The following ZMAT4 variants were observed in gnomAD, a reference collection of about 807,000 sequenced individuals.
ZMAT4 encodes zinc finger matrin-type protein 4.
Under a neutral mutation model 28.7 loss-of-function variants are expected in ZMAT4, and 17 were observed. The observed-to-expected ratio is 0.59, with a 90% confidence interval of 0.41 to 0.89. ZMAT4 has a LOEUF of 0.89. Among genes scored for constraint, ZMAT4 ranks in the 40% least tolerant of loss-of-function variants. The probability of loss-of-function intolerance (pLI) is 0.00; values close to 1 mark genes in which losing one functional copy is unlikely to be tolerated. For missense variants in ZMAT4, 240 were observed against 283.8 expected (o/e 0.85, Z 1.11); for synonymous variants, 117 against 109.2 (o/e 1.07, Z -0.44).
chr8:40,861,885 A>G (rs1817506620), intron 1 of ZMAT4, among the ~76,000 whole-genome samples: 1 of 152,170 alleles, frequency 6.6e-6, no homozygotes, highest in Non-Finnish European at 1.5e-5. Context: ...ATCTCACACC[A>G]GTTAGAATGG....
chr8:40,691,287 T>G (rs1424942688), intron 4 of ZMAT4, among the ~76,000 whole-genome samples: 1 of 152,128 alleles, frequency 6.6e-6, no homozygotes, highest in Non-Finnish European at 1.5e-5. Flanking sequence ...ATCACAGCCT[T>G]ATTGTACTTA....
At chr8:40,730,257 A>G (rs1811480706) in intron 3 of ZMAT4, among the ~76,000 whole-genome samples, 1 of 152,206 alleles carries the variant, frequency 6.6e-6, no homozygotes, top group Non-Finnish European at 1.5e-5. Context: ...TCCTGCTTCA[A>G]TAATGCTGAA....
At chr8:40,673,785 C>CT (rs1386646687) in intron 5 of ZMAT4, among the ~76,000 whole-genome samples, 1 of 152,150 alleles carries the variant, frequency 6.6e-6, no homozygotes, top group African/African-American at 2.4e-5. Context: ...AATCCTCACG[C>CT]TATGTTTTCC....
chr8:40,830,260 A>G (rs2150616897), intron 1 of ZMAT4, among the ~76,000 whole-genome samples: 1 of 152,240 alleles, frequency 6.6e-6, no homozygotes, highest in East Asian at 1.9e-4. Flanking sequence ...AATGGTGGGG[A>G]CAGTACAGCT....
intron 6 of ZMAT4, among the ~76,000 whole-genome samples, chr8:40,542,329 G>A (rs372728702): frequency 1.0e-3 from 158 of 152,154 alleles, no homozygotes; most frequent in African/African-American, 3.5e-3. Flanking sequence ...GCCTATGAGC[G>A]GTAGAAAAAG....
At chr8:40,661,718 A>G (rs961496049) in intron 5 of ZMAT4, among the ~76,000 whole-genome samples, 2 of 152,222 alleles carry the variant, frequency 1.3e-5, no homozygotes, top group African/African-American at 4.8e-5. Context: ...TGTGGGCCAC[A>G]AAAAAGCCCA....
At chr8:40,875,530 G>A (rs1353427754) in intron 1 of ZMAT4, among the ~76,000 whole-genome samples, 1 of 152,188 alleles carries the variant, frequency 6.6e-6, no homozygotes, top group Non-Finnish European at 1.5e-5. Context: ...AAAAATACCA[G>A]TTATTGCCTA....
intron 3 of ZMAT4, among the ~76,000 whole-genome samples, chr8:40,706,649 A>G (rs1295858214): frequency 3.3e-5 from 5 of 152,148 alleles, no homozygotes; most frequent in African/African-American, 1.2e-4. Flanking sequence ...TTCCGCTAAC[A>G]TCTAACACTC....
chr8:40,797,378 T>C lies in ZMAT4; in HGVS notation c.102+28197A>G, dbSNP rs115707865. Among the ~76,000 whole-genome samples, 755 of 152,330 alleles carry C rather than the reference T, an allele frequency of 5.0e-3. 9 individuals are homozygous for C. The highest frequency in any genetic ancestry group is 0.017 in the African/African-American group (717 of 41,582). On this transcript the variant is annotated intron_variant, in intron 2 of 6. Coordinates refer to ENST00000297737, the MANE Select transcript of ZMAT4 (RefSeq NM_024645.3). Reference sequence around the variant, plus strand: ...ATTACCCAGACAGTGCCGACATTACTGCCCATCCTGCGTGCTGGGCCCCAG... The same window carrying C: ...ATTACCCAGACAGTGCCGACATTACCGCCCATCCTGCGTGCTGGGCCCCAG...
chr8:40,827,673 A>G (rs1233775384), intron 1 of ZMAT4, among the ~76,000 whole-genome samples: 2 of 152,200 alleles, frequency 1.3e-5, no homozygotes, highest in Non-Finnish European at 2.9e-5. Flanking sequence ...AGCAATAGTT[A>G]TGCCAGGTAC....
At chr8:40,891,313 T>C (rs1459018699) in intron 1 of ZMAT4, among the ~76,000 whole-genome samples, 2 of 94,754 alleles carry the variant, frequency 2.1e-5, no homozygotes, top group African/African-American at 4.3e-5. Context: ...GTGAACATCA[T>C]TGTGAGTGGT....
intron 3 of ZMAT4, among the ~76,000 whole-genome samples, chr8:40,760,801 G>T (rs1338372177): frequency 1.4e-5 from 2 of 147,496 alleles, no homozygotes; most frequent in African/African-American, 5.0e-5. Context: ...TCGTGCTTTT[G>T]CACCATGCAC....
intron 3 of ZMAT4, among the ~76,000 whole-genome samples, chr8:40,751,508 C>T (rs1263188884): frequency 1.3e-5 from 2 of 151,990 alleles, no homozygotes; most frequent in African/African-American, 4.8e-5. Context: ...TTAGATAAAC[C>T]ATTCTAAACC....
Position 40,567,072 on chromosome 8 carries a change from A to G in ZMAT4, c.674+14093T>C, listed in dbSNP as rs538088922. On this transcript the variant is annotated intron_variant, in intron 6 of 6. Coordinates refer to ENST00000297737, the MANE Select transcript of ZMAT4 (RefSeq NM_024645.3). The stretch of plus-strand genomic sequence containing the variant: ...TCCTGTTGGGTGTCTTTAGAAGGAA[A>G]GGCACTTACATAAGGAAGAGAAAAG... Among the ~76,000 whole-genome samples, 5 of 152,266 alleles carry G rather than the reference A, an allele frequency of 3.3e-5. 1 individual carries two copies. The South Asian group carries it at 1.0e-3, about 32-fold the overall frequency.
chr8:40,636,623 G>T lies in ZMAT4; in HGVS notation c.577+38081C>A, dbSNP rs7008508. Among the ~76,000 whole-genome samples, 476 of 152,316 alleles carry T rather than the reference G, an allele frequency of 3.1e-3. 2 individuals carry two copies. Among genetic ancestry groups the T allele is most frequent in the African/African-American group, 0.011 (453 of 41,562 alleles). On this transcript the variant is annotated intron_variant, in intron 5 of 6. Coordinates refer to ENST00000297737, the MANE Select transcript of ZMAT4 (RefSeq NM_024645.3). The stretch of plus-strand genomic sequence containing the variant: ...GGGGCTATCAGAGGAGAGAAACAGG[G>T]TGACAATCACCACTGACAGAGCCTA...
chr8:40,536,271 C>A (rs1423533302), intron 6 of ZMAT4, among the ~76,000 whole-genome samples: 1 of 152,146 alleles, frequency 6.6e-6, no homozygotes, highest in African/African-American at 2.4e-5. Flanking sequence ...AATCCCAAAT[C>A]TTATTGGTCT....
chr8:40,616,365 A>G (rs1249567047), intron 5 of ZMAT4, among the ~76,000 whole-genome samples: 1 of 152,206 alleles, frequency 6.6e-6, no homozygotes, highest in Non-Finnish European at 1.5e-5. Flanking sequence ...ATACCATTTG[A>G]CCCAGCCATC....
intron 4 of ZMAT4, among the ~76,000 whole-genome samples, chr8:40,677,301 T>C (rs1808953132): frequency 6.6e-6 from 1 of 152,052 alleles, no homozygotes; most frequent in Admixed American, 6.6e-5. Flanking sequence ...AAGGATTTTT[T>C]TTTTTTTTTT....
intron 5 of ZMAT4, among the ~76,000 whole-genome samples, chr8:40,606,061 G>A (rs1323932434): frequency 6.6e-6 from 1 of 152,108 alleles, no homozygotes; most frequent in Non-Finnish European, 1.5e-5. Context: ...GTTTATGTGA[G>A]TCCTTATGTG....
Sources: allele counts gnomAD v4.1 joint callset (sites outside exome capture counted in the v4.1 genomes callset), GRCh38; gene constraint gnomAD v4.1.1; transcripts MANE v1.5; gene names NCBI Gene and HGNC (gene_info 2026-07-23, HGNC 2026-07-21).